Variants in PLEKHA5 observed in about 807,000 individuals in gnomAD.
The protein encoded by PLEKHA5 is pleckstrin homology domain-containing family A member 5.
Under a neutral mutation model 181.9 loss-of-function variants are expected in PLEKHA5, and 55 were observed. The ratio of observed to expected loss-of-function variants is 0.30; its 90% CI spans 0.24 to 0.38. The LOEUF (loss-of-function observed/expected upper bound fraction) is 0.38. Ranked by LOEUF, PLEKHA5 falls within the 10% of genes least tolerant of loss-of-function variation. The pLI is 1.00. For synonymous variants in PLEKHA5, 535 were observed against 529.4 expected (o/e 1.01, Z -0.15); for missense variants, 1,432 against 1,549.5 (o/e 0.92, Z 1.27).
At chr12:19,164,553 T>A (rs1047798204) in intron 3 of PLEKHA5, among the ~76,000 whole-genome samples, 14 of 152,122 alleles carry the variant, frequency 9.2e-5, no homozygotes, top group African/African-American at 3.4e-4. Flanking sequence ...GTGGCTATGA[T>A]GTTAATCTTT....
chr12:19,268,731 C>A (rs558187603), intron 8 of PLEKHA5, among the ~76,000 whole-genome samples: 1 of 152,206 alleles, frequency 6.6e-6, no homozygotes, highest in African/African-American at 2.4e-5. Flanking sequence ...AGAACTGGAT[C>A]GTCTTGATAC....
At position 19,283,986 on chromosome 12, in the gene PLEKHA5, T is replaced by C. The variant is rs150602725; in HGVS notation, c.1779+241T>C. ...GGAGCAGTTCTTTTGAGCAGATGCA[T>C]TCTGTTTTCTCTGCTTGATACCATA... is the stretch of plus-strand genomic sequence containing the variant. On this transcript the variant is annotated intron_variant, in intron 12 of 31. Transcript: ENST00000429027. 6.6e-5 allele frequency among the ~76,000 whole-genome samples: 10 copies of C among 152,314 alleles called. No individual in the cohort carries two copies. In the East Asian group the frequency reaches 1.9e-3, roughly 29 times the overall value.
intron 8 of PLEKHA5, among the ~76,000 whole-genome samples, chr12:19,268,929 G>A (rs376835485): frequency 1.3e-5 from 2 of 152,254 alleles, no homozygotes; most frequent in South Asian, 2.1e-4. Flanking sequence ...AATCTTTTGT[G>A]TTTGGGTGTA....
chr12:19,129,952 G>A (rs956856747), intron 1 of PLEKHA5, 64 bp downstream of exon 1: 1 of 1,496,244 alleles, frequency 6.7e-7, no homozygotes, highest in South Asian at 1.2e-5. Flanking sequence ...GGCGGCTGGC[G>A]ACACGGGGGA....
intron 3 of PLEKHA5, among the ~76,000 whole-genome samples, chr12:19,146,272 A>T (rs1261483836): frequency 1.3e-5 from 2 of 152,298 alleles, no homozygotes; most frequent in Middle Eastern, 3.4e-3. Context: ...TTGAATTTAC[A>T]TGCTCCTGAT....
At chr12:19,257,367 AG>A in intron 5 of PLEKHA5, 65 bp from the exon 6 acceptor site, 1 of 708,090 alleles carries the variant, frequency 1.4e-6, no homozygotes, top group Non-Finnish European at 2.4e-6. Context: ...AAATTTTAAG[AG>A]GAAGATAAGC....
At chr12:19,207,359 G>A (rs1278004427) in intron 3 of PLEKHA5, 1 of 152,064 alleles carries the variant, frequency 6.6e-6, no homozygotes, top group Non-Finnish European at 1.5e-5. Flanking sequence ...GAAATACTGG[G>A]AAAATGAAAG....
Position 19,300,820 on chromosome 12 carries a change from T to C in PLEKHA5, c.2037+9123T>C, listed in dbSNP as rs2152911645. 2.0e-5 allele frequency among the ~76,000 whole-genome samples: 3 copies of C among 152,218 alleles called. 1 individual carries two copies. The highest frequency in any genetic ancestry group is 2.0e-4 in the Admixed American group (3 of 15,284). On this transcript the variant is annotated intron_variant, in intron 15 of 31. Transcript: ENST00000429027. Reference sequence around the variant, plus strand: ...CATTGATAAAATCCAGATCCTTCTATCTAGAAGTTATTTTAATTTTGATTT... The same window carrying C: ...CATTGATAAAATCCAGATCCTTCTACCTAGAAGTTATTTTAATTTTGATTT...
intron 12 of PLEKHA5, among the ~76,000 whole-genome samples, chr12:19,283,947 C>T (rs1264887279): frequency 6.6e-6 from 1 of 152,196 alleles, no homozygotes; most frequent in Non-Finnish European, 1.5e-5. Context: ...AACACTTCAT[C>T]TCTCAGGAAC....
intron 21 of PLEKHA5, among the ~76,000 whole-genome samples, chr12:19,342,025 G>T (rs565849845): frequency 6.6e-6 from 1 of 152,252 alleles, no homozygotes; most frequent in African/African-American, 2.4e-5. Flanking sequence ...GAGCCACTGT[G>T]CCTGGCTGAA....
At chr12:19,253,815 C>T (rs1179347146) in intron 3 of PLEKHA5, 125 bp from the exon 4 acceptor site, 31 of 689,476 alleles carry the variant, frequency 4.5e-5, no homozygotes, top group African/African-American at 7.4e-5. Context: ...AATAAAACTC[C>T]GTCTCAAAAA....
intron 15 of PLEKHA5, among the ~76,000 whole-genome samples, chr12:19,314,334 TTAAG>T (rs936513697): frequency 7.9e-5 from 12 of 152,164 alleles, no homozygotes; most frequent in African/African-American, 2.9e-4. Context: ...AAATATGTGA[TTAAG>T]TGACACATTC....
chr12:19,155,291 A>G (rs1216160747), intron 3 of PLEKHA5, among the ~76,000 whole-genome samples: 3 of 152,216 alleles, frequency 2.0e-5, no homozygotes, highest in Non-Finnish European at 4.4e-5. Context: ...TGTTTTGACC[A>G]TGAGGTTACA....
At chr12:19,276,088 G>A (rs571932855) in intron 11 of PLEKHA5, among the ~76,000 whole-genome samples, 1 of 152,284 alleles carries the variant, frequency 6.6e-6, no homozygotes, top group East Asian at 1.9e-4. Context: ...GCAGTGATAC[G>A]AAGAATAACA....
At chr12:19,225,010 GA>G (rs754083219) in intron 3 of PLEKHA5, among the ~76,000 whole-genome samples, 2 of 152,068 alleles carry the variant, frequency 1.3e-5, no homozygotes, top group Admixed American at 6.6e-5. Flanking sequence ...AAAAAGGGGA[GA>G]AAAGAATCTG....
Position 19,340,945 on chromosome 12 carries a change from T to TAA in PLEKHA5, c.2551-2362_2551-2361dup, listed in dbSNP as rs58915493. On this transcript the variant is annotated intron_variant, in intron 21 of 31. Coordinates refer to ENST00000429027, the MANE Select transcript of PLEKHA5 (RefSeq NM_001256470.2). ...GCGAGAAACACCCAAGAATGATCAATAAAAAAAAAAAAAAAAAGAAAGAAA... is the reference window on the plus strand; with the variant it reads ...GCGAGAAACACCCAAGAATGATCAATAAAAAAAAAAAAAAAAAAAGAAAGAAA... 1.1e-4 allele frequency among the ~76,000 whole-genome samples: 7 copies of TAA among 62,826 alleles called. No homozygotes were observed. In the South Asian group the frequency reaches 2.6e-3, roughly 24 times the overall value. The allele number at this position is 62,826 out of a possible 152,430, so 41.2% of individuals were successfully genotyped here.
intron 3 of PLEKHA5, chr12:19,236,844 C>T (rs932128120): frequency 6.6e-6 from 1 of 152,152 alleles, no homozygotes; most frequent in Non-Finnish European, 1.5e-5. Context: ...TCTGATGTGA[C>T]GTCAGTCTGG....
intron 31 of PLEKHA5, chr12:19,371,470 T>TAG (rs2095574413): frequency 6.5e-6 from 1 of 152,838 alleles, no homozygotes; most frequent in Non-Finnish European, 1.5e-5. Flanking sequence ...TTCCACCCTC[T>TAG]CCCTTCTGAG....
intron 3 of PLEKHA5, among the ~76,000 whole-genome samples, chr12:19,219,739 G>T (rs73347005): frequency 0.095 from 14,398 of 151,874 alleles, 957 homozygotes; most frequent in African/African-American, 0.19. Flanking sequence ...GTTATTCTCT[G>T]TACCTAATGT....
Sources: gnomAD v4.1 joint callset for allele counts (sites outside exome capture counted in the v4.1 genomes callset) on GRCh38, gnomAD v4.1.1 for gene constraint, MANE v1.5 for transcripts, NCBI Gene and HGNC (gene_info 2026-07-23, HGNC 2026-07-21) for gene names.